Variants in HEATR5B observed in about 807,000 individuals in gnomAD.
The protein encoded by HEATR5B is HEAT repeat-containing protein 5B.
A neutral mutation model predicts 224.1 loss-of-function variants in HEATR5B; 156 were observed. That is an observed-to-expected ratio of 0.70 (90% CI 0.61 to 0.80). The LOEUF (loss-of-function observed/expected upper bound fraction) is 0.80, where lower values mean the gene tolerates loss of function less well. Ranked by LOEUF, HEATR5B falls within the 30% of genes least tolerant of loss-of-function variation. HEATR5B has a pLI of 0.00. For missense variants in HEATR5B, 2,323 were observed against 2,535.5 expected (o/e 0.92, Z 1.80); for synonymous variants, 1,027 against 893.0 (o/e 1.15, Z -2.68).
chr2:37,043,567 T>C (rs1670006216), intron 18 of HEATR5B, among the ~76,000 whole-genome samples: 1 of 152,132 alleles, frequency 6.6e-6, no homozygotes, highest in Admixed American at 6.5e-5. Context: ...TTTATGGTCC[T>C]GATTTGGCTT....
chr2:37,027,717 T>A (rs1293435406), intron 24 of HEATR5B, among the ~76,000 whole-genome samples: 1 of 152,192 alleles, frequency 6.6e-6, no homozygotes, highest in Admixed American at 6.5e-5. Context: ...TGGACCACCT[T>A]CTTCAACTTA....
intron 14 of HEATR5B, 134 bp downstream of exon 14, chr2:37,058,317 C>T: frequency 1.6e-6 from 1 of 612,626 alleles, no homozygotes; most frequent in Non-Finnish European, 3.0e-6. Context: ...ATCAGCTACT[C>T]TACATGAAGA....
intron 17 of HEATR5B, among the ~76,000 whole-genome samples, chr2:37,050,074 G>T (rs1029649389): frequency 3.3e-5 from 5 of 151,672 alleles, no homozygotes; most frequent in African/African-American, 1.2e-4. Flanking sequence ...AAAAGTTTTT[G>T]TAGAGACAGG....
intron 5 of HEATR5B, 57 bp downstream of exon 5, chr2:37,075,428 G>T: frequency 1.5e-6 from 2 of 1,344,196 alleles, no homozygotes; most frequent in Non-Finnish European, 2.0e-6. Flanking sequence ...AAAAATCGTT[G>T]ACTGTTTAAG....
At chr2:36,997,812 C>A (rs938784977) in intron 33 of HEATR5B, among the ~76,000 whole-genome samples, 5 of 151,654 alleles carry the variant, frequency 3.3e-5, no homozygotes, top group African/African-American at 1.2e-4. Context: ...ATGATCCACC[C>A]GCCTTGGCCT....
chr2:37,023,850 G>C (rs1270306534), intron 24 of HEATR5B, among the ~76,000 whole-genome samples: 1 of 151,914 alleles, frequency 6.6e-6, no homozygotes, highest in African/African-American at 2.4e-5. Context: ...AAGCAGAGAA[G>C]GCAAAACATT....
rs1333836675 is a variant in HEATR5B, at chr2:37,020,836, T to C, written c.3854A>G (p.Asn1285Ser). 6.8e-7 allele frequency: 1 copy of C among 1,479,398 alleles called. No homozygotes were observed. Among genetic ancestry groups the C allele is most frequent in the South Asian group, 1.4e-5 (1 of 72,010 alleles). The allele number at this position is 1,479,398 out of a possible 1,614,324, so 91.6% of individuals were successfully genotyped here. ...AGAGAGATGAAGTACCAAGAGGTCA[T>C]CTAAAAATAAAAATAGAATGCAAAA... is the stretch of plus-strand genomic sequence containing the variant. Reference protein sequence around the residue: ...ARSAKLRNPTNDLLVLHLSDL... With the variant: ...ARSAKLRNPTSDLLVLHLSDL... The change falls in exon 25 of 36, where the codon AAT becomes AGT. Residue 1285 changes from asparagine to serine, a missense_variant and splice_region_variant. By Grantham distance (46) the Asn-to-Ser change is conservative. Coordinates refer to ENST00000233099, the MANE Select transcript of HEATR5B (RefSeq NM_019024.3).
intron 35 of HEATR5B, among the ~76,000 whole-genome samples, chr2:36,985,621 C>CTTT (rs558499229): frequency 6.5e-5 from 6 of 92,294 alleles, no homozygotes; most frequent in Admixed American, 1.2e-4. Flanking sequence ...CCACTCCTGG[C>CTTT]TTTTTTTTTT....
intron 24 of HEATR5B, among the ~76,000 whole-genome samples, chr2:37,027,093 C>T (rs981438753): frequency 3.3e-5 from 5 of 152,174 alleles, no homozygotes; most frequent in Non-Finnish European, 7.3e-5. Context: ...CATGAGCCAC[C>T]GCACCCAGCC....
intron 24 of HEATR5B, among the ~76,000 whole-genome samples, chr2:37,026,189 G>A (rs1178485752): frequency 2.0e-5 from 3 of 152,156 alleles, no homozygotes; most frequent in Non-Finnish European, 1.5e-5. Context: ...TTTGAAGAGA[G>A]AGAGGGAGCC....
intron 33 of HEATR5B, among the ~76,000 whole-genome samples, chr2:36,991,620 T>A (rs1208647481): frequency 1.9e-5 from 2 of 105,786 alleles, no homozygotes; most frequent in African/African-American, 6.6e-5. Context: ...AGTACGTAAT[T>A]AGAAATAACT....
chr2:37,081,063 T>C (rs1672531738), intron 2 of HEATR5B, among the ~76,000 whole-genome samples: 1 of 152,152 alleles, frequency 6.6e-6, no homozygotes, highest in Non-Finnish European at 1.5e-5. Context: ...AAGATGGAGA[T>C]GGATCAAATA....
At chr2:37,026,947 T>C (rs934578291) in intron 24 of HEATR5B, among the ~76,000 whole-genome samples, 20 of 152,104 alleles carry the variant, frequency 1.3e-4, no homozygotes, top group Admixed American at 3.9e-4. Flanking sequence ...TACAGGCATG[T>C]GCCAGGACGC....
At chr2:37,014,354 G>A (rs537664119) in intron 26 of HEATR5B, among the ~76,000 whole-genome samples, 31 of 151,544 alleles carry the variant, frequency 2.0e-4, no homozygotes, top group Middle Eastern at 3.2e-3. Context: ...AGTAGAGACG[G>A]GGTTTCACTG....
At chr2:37,036,108 T>C (rs1669458577) in intron 21 of HEATR5B, among the ~76,000 whole-genome samples, 1 of 152,178 alleles carries the variant, frequency 6.6e-6, no homozygotes, top group Non-Finnish European at 1.5e-5. Flanking sequence ...CTTCCGAGAA[T>C]ACCGTAATTC....
chr2:37,056,395 A>G (rs183542725), intron 16 of HEATR5B, 45 bp downstream of exon 16: 5 of 1,397,998 alleles, frequency 3.6e-6, no homozygotes, highest in African/African-American at 2.9e-5. Context: ...TTCGTTTAAC[A>G]TAATATATAT....
Position 37,034,002 on chromosome 2 carries a change from TGGA to T in HEATR5B, c.3217-1232_3217-1230del, listed in dbSNP as rs1224967799. On this transcript the variant is annotated intron_variant, in intron 21 of 35. Coordinates refer to ENST00000233099, the MANE Select transcript of HEATR5B (RefSeq NM_019024.3). Reference sequence around the variant, plus strand: ...GAGTCCCAGACACAAATGATGGGGATGGAGAAGAACACATGTATGGAATATATC... The same window carrying T: ...GAGTCCCAGACACAAATGATGGGGATGAAGAACACATGTATGGAATATATC... Among the ~76,000 whole-genome samples the T allele has an allele frequency of 2.6e-5, 4 of 152,276 alleles. No homozygotes were observed. In the East Asian group the frequency reaches 7.8e-4, roughly 30 times the overall value.
At chr2:36,997,597 C>T (rs1477772528) in intron 33 of HEATR5B, among the ~76,000 whole-genome samples, 18 of 133,794 alleles carry the variant, frequency 1.3e-4, no homozygotes, top group Non-Finnish European at 2.2e-4. Context: ...GACGGAGTCT[C>T]GCTCTGTAGC....
intron 10 of HEATR5B, among the ~76,000 whole-genome samples, chr2:37,063,699 C>T (rs998288373): frequency 6.6e-6 from 1 of 151,934 alleles, no homozygotes; most frequent in African/African-American, 2.4e-5. Flanking sequence ...CCCCAATCTG[C>T]CTATGTAAAG....
Sources: allele counts gnomAD v4.1 joint callset (sites outside exome capture counted in the v4.1 genomes callset), GRCh38; gene constraint gnomAD v4.1.1; transcripts MANE v1.5; gene names NCBI Gene and HGNC (gene_info 2026-07-23, HGNC 2026-07-21).